Variants in ASTN2 observed in about 807,000 individuals in gnomAD.
The protein encoded by ASTN2 is astrotactin-2.
Under a neutral mutation model 139.8 loss-of-function variants are expected in ASTN2, and 54 were observed. The ratio of observed to expected loss-of-function variants is 0.39; its 90% CI spans 0.31 to 0.48. The LOEUF is 0.48. Ranked by LOEUF, ASTN2 falls within the 20% of genes least tolerant of loss-of-function variation. The probability of loss-of-function intolerance (pLI) is 0.95; values close to 1 mark genes in which losing one functional copy is unlikely to be tolerated. For synonymous variants in ASTN2, 756 were observed against 719.5 expected (o/e 1.05, Z -0.81); for missense variants, 1,565 against 1,725.1 (o/e 0.91, Z 1.64).
intron 5 of ASTN2, among the ~76,000 whole-genome samples, chr9:117,093,843 C>G (rs546650205): frequency 6.6e-6 from 1 of 152,248 alleles, no homozygotes; most frequent in African/African-American, 2.4e-5. Context: ...CCCTGTGATC[C>G]TGCAAAAAGC....
At chr9:116,673,710 G>A (rs1859333546) in intron 16 of ASTN2, among the ~76,000 whole-genome samples, 1 of 152,176 alleles carries the variant, frequency 6.6e-6, no homozygotes, top group African/African-American at 2.4e-5. Flanking sequence ...AGTTGGAAGA[G>A]GCAAGGAATA....
intron 16 of ASTN2, among the ~76,000 whole-genome samples, chr9:116,721,157 C>A (rs10817926): frequency 0.44 from 66,422 of 152,104 alleles, 14,959 homozygotes; most frequent in Admixed American, 0.56. Flanking sequence ...TTTCTTATTC[C>A]ATCTATACAA....
chr9:116,765,861 A>G (rs528666257), intron 13 of ASTN2, among the ~76,000 whole-genome samples: 1 of 152,312 alleles, frequency 6.6e-6, no homozygotes, highest in African/African-American at 2.4e-5. Context: ...TCACCAGCAT[A>G]TGGAACTTCA....
chr9:116,573,613 C>T (rs1388646135), intron 19 of ASTN2, among the ~76,000 whole-genome samples: 1 of 148,604 alleles, frequency 6.7e-6, no homozygotes, highest in Admixed American at 6.7e-5. Flanking sequence ...CTATTTACTA[C>T]AAGAATCATG....
At chr9:116,791,041 AAGAAAAG>A (rs1246272268) in intron 13 of ASTN2, among the ~76,000 whole-genome samples, 8 of 149,146 alleles carry the variant, frequency 5.4e-5, no homozygotes, top group African/African-American at 2.0e-4. Context: ...GAAAGAAAGA[AAGAAAAG>A]AAAAGAAAGA....
At chr9:116,990,429 G>T (rs1303550309) in intron 7 of ASTN2, among the ~76,000 whole-genome samples, 1 of 149,122 alleles carries the variant, frequency 6.7e-6, no homozygotes, top group Admixed American at 6.8e-5. Flanking sequence ...ACCATGCTCG[G>T]CTAGTTTTCT....
At chr9:116,721,735 C>G (rs1828478743) in intron 16 of ASTN2, among the ~76,000 whole-genome samples, 1 of 152,152 alleles carries the variant, frequency 6.6e-6, no homozygotes, top group African/African-American at 2.4e-5. Flanking sequence ...GTTCCAGTCC[C>G]CTACGGACTA....
At chr9:116,873,023 T>C (rs1403989210) in intron 10 of ASTN2, among the ~76,000 whole-genome samples, 4 of 152,172 alleles carry the variant, frequency 2.6e-5, no homozygotes, top group Non-Finnish European at 5.9e-5. Context: ...TTTAGAGTAA[T>C]ATCATAGATG....
intron 1 of ASTN2, among the ~76,000 whole-genome samples, chr9:117,387,776 G>C (rs999846732): frequency 2.6e-5 from 4 of 152,128 alleles, no homozygotes; most frequent in African/African-American, 9.7e-5. Flanking sequence ...CTGGACGTGG[G>C]TTGTGGCATG....
At chr9:116,506,700 G>C (rs1850125946) in intron 19 of ASTN2, among the ~76,000 whole-genome samples, 1 of 152,190 alleles carries the variant, frequency 6.6e-6, no homozygotes, top group Non-Finnish European at 1.5e-5. Flanking sequence ...AAGTCAGGCA[G>C]GAGAAGTCCA....
At chr9:117,024,297 C>T (rs1363888438) in intron 6 of ASTN2, among the ~76,000 whole-genome samples, 2 of 152,070 alleles carry the variant, frequency 1.3e-5, no homozygotes, top group African/African-American at 4.8e-5. Context: ...AAGAGTCTAC[C>T]TCATTGTCAA....
intron 1 of ASTN2, among the ~76,000 whole-genome samples, chr9:117,389,855 C>CAA (rs80110134): frequency 5.4e-5 from 7 of 129,608 alleles, no homozygotes; most frequent in African/African-American, 1.4e-4. Context: ...TACTGAGTGA[C>CAA]AAAAAAAAAA....
chr9:116,906,223 C>A (rs988950041), intron 10 of ASTN2, among the ~76,000 whole-genome samples: 5 of 152,050 alleles, frequency 3.3e-5, no homozygotes, highest in African/African-American at 1.2e-4. Context: ...TGATAAGGAT[C>A]AAAAAGAGTG....
chr9:116,543,286 A>T (rs1564357621), intron 19 of ASTN2, among the ~76,000 whole-genome samples: 3 of 151,384 alleles, frequency 2.0e-5, no homozygotes, highest in South Asian at 2.1e-4. Context: ...AAAAAAAAAA[A>T]ATTAGCTGGG....
intron 2 of ASTN2, among the ~76,000 whole-genome samples, chr9:117,240,647 T>C (rs1214299594): frequency 1.3e-5 from 2 of 152,176 alleles, no homozygotes; most frequent in Non-Finnish European, 1.5e-5. Context: ...ACCCCATAGA[T>C]AAACCTTCTA....
intron 13 of ASTN2, among the ~76,000 whole-genome samples, chr9:116,770,597 A>G (rs1829931493): frequency 6.6e-6 from 1 of 152,144 alleles, no homozygotes; most frequent in Admixed American, 6.5e-5. Flanking sequence ...GCTTGACATC[A>G]GCTGTCATTT....
intron 13 of ASTN2, among the ~76,000 whole-genome samples, chr9:116,794,096 C>CTT (rs35428342): frequency 0.21 from 26,149 of 123,652 alleles, 3,780 homozygotes; most frequent in Middle Eastern, 0.32. Flanking sequence ...AAATAAACAC[C>CTT]TTTTTTTTTT....
intron 5 of ASTN2, among the ~76,000 whole-genome samples, chr9:117,067,523 G>GT (rs1223557342): frequency 4.4e-5 from 6 of 137,252 alleles, no homozygotes; most frequent in Non-Finnish European, 8.0e-5. Flanking sequence ...CTTTAAAGTA[G>GT]TTTTTTCCAA....
intron 19 of ASTN2, chr9:116,583,437 T>G (rs1383349260): frequency 6.6e-6 from 1 of 152,186 alleles, no homozygotes; most frequent in African/African-American, 2.4e-5. Flanking sequence ...GGCAGAGTTT[T>G]TGCCTATTCT....
Sources: gnomAD v4.1 joint callset for allele counts (sites outside exome capture counted in the v4.1 genomes callset) on GRCh38, gnomAD v4.1.1 for gene constraint, MANE v1.5 for transcripts, NCBI Gene and HGNC (gene_info 2026-07-23, HGNC 2026-07-21) for gene names.